The following MUC4 variants were observed in gnomAD, a reference collection of about 807,000 sequenced individuals.
MUC4 encodes the protein mucin-4.
In MUC4, 202 loss-of-function variants were observed where a neutral mutation model predicts 257.9. The observed-to-expected ratio is 0.78, with a 90% CI of 0.70 to 0.88. The LOEUF is 0.88. Ranked by LOEUF, MUC4 falls within the 40% of genes least tolerant of loss-of-function variation. The probability of loss-of-function intolerance (pLI) is 0.00; values close to 1 mark genes in which losing one functional copy is unlikely to be tolerated. For synonymous variants in MUC4, 2,351 were observed against 2,757.1 expected, an observed-to-expected ratio of 0.85 and a Z score of 4.62; for missense variants, 5,976 against 6,513.7, an observed-to-expected ratio of 0.92 and a Z score of 2.84.
chr3:195,789,462 G>A lies in MUC4; in HGVS notation c.2118C>T (p.Thr706=), dbSNP rs567256201. ...APAPTGDGHT[T]QAPTTALQAA... Reference sequence around the variant, plus strand: ...CCTGCAGTGCTGTGGTCGGGGCCTGGGTTGTGTGACCATCCCCGGTGGGAG... The same window carrying A: ...CCTGCAGTGCTGTGGTCGGGGCCTGAGTTGTGTGACCATCCCCGGTGGGAG... Residue 706 remains threonine, a synonymous_variant, in exon 2 of 25, where the codon ACC becomes ACT. Coordinates refer to ENST00000463781, the MANE Select transcript of MUC4 (RefSeq NM_018406.7). The A allele has an allele frequency of 1.9e-6, 3 of 1,613,860 alleles. No homozygotes were observed. The highest frequency in any genetic ancestry group is 8.5e-7 in the Non-Finnish European group (1 of 1,179,890).
At chr3:195,761,730 G>A (rs1180385683) in intron 14 of MUC4, 145 bp from the exon 15 acceptor site, 5 of 667,398 alleles carry the variant, frequency 7.5e-6, no homozygotes, top group Admixed American at 2.8e-5. Context: ...GGAGCCGGGA[G>A]GACGGGCCCT....
intron 6 of MUC4, 129 bp from the exon 7 acceptor site, chr3:195,769,281 A>C: frequency 1.5e-6 from 2 of 1,365,726 alleles, no homozygotes; most frequent in Non-Finnish European, 2.0e-6. Flanking sequence ...TGCCCACAGC[A>C]AAGACATGGG....
chr3:195,811,685 TC>T (rs1560429414), intron 1 of MUC4, 50 bp downstream of exon 1: 1 of 1,555,570 alleles, frequency 6.4e-7, no homozygotes. Flanking sequence ...AGCTCCCACC[TC>T]CCCCAAGTGC....
Position 195,747,055 on chromosome 3 carries a change from T to C in MUC4, c.*121A>G. ...TCTTGATTCCCAGTATTCATTCTCC[T>C]TGAAGAATCCTGACAGCCTTCAGTC... On this transcript the variant is annotated 3_prime_UTR_variant, in exon 25 of 25. Coordinates refer to ENST00000463781, the MANE Select transcript of MUC4 (RefSeq NM_018406.7). 7.5e-7 allele frequency: 1 copy of C among 1,342,194 alleles called. No homozygotes were observed. Among genetic ancestry groups the C allele is most frequent in the Non-Finnish European group, 1.0e-6 (1 of 953,410 alleles). 83.1% of individuals were successfully genotyped at this position (1,342,194 alleles called of 1,614,324 possible). A position where few individuals can be genotyped will look rare whatever the true frequency, so the allele number is the denominator to read the frequency against.
At chr3:195,750,556 G>C (rs1405959964) in intron 23 of MUC4, 1 of 400,638 alleles carries the variant, frequency 2.5e-6, no homozygotes, top group East Asian at 5.6e-5. Flanking sequence ...AGAGACGATG[G>C]GGGTGTCCCT....
chr3:195,748,287 G>C (rs1166394080), intron 24 of MUC4, among the ~76,000 whole-genome samples: 1 of 152,282 alleles, frequency 6.6e-6, no homozygotes, highest in Non-Finnish European at 1.5e-5. Context: ...TTTGGGCCCT[G>C]GCGCGGTGGC....
chr3:195,783,476 T>G lies in MUC4; in HGVS notation c.8104A>C (p.Thr2702Pro). 1.1e-5 allele frequency: 8 copies of G among 745,070 alleles called. 1 individual carries two copies. In the South Asian group the frequency reaches 1.5e-4, roughly 14 times the overall value. The allele number at this position is 745,070 out of a possible 1,614,324, so 46.2% of individuals were successfully genotyped here. A position where few individuals can be genotyped will look rare whatever the true frequency, so the allele number is the denominator to read the frequency against. The change falls in exon 2 of 25, where the codon ACC (threonine) becomes CCC (proline). Residue 2702 changes from threonine to proline, a missense_variant. Physicochemically the swap from Thr to Pro is conservative, Grantham distance 38 (BLOSUM62 -1). Around this residue, in one of 44 missense-constraint regions of MUC4, gnomAD observed 75 missense variants for 58.7 expected, o/e 1.28. Coordinates refer to ENST00000463781, the MANE Select transcript of MUC4 (RefSeq NM_018406.7). ...TDTSSASTGD[T>P]TSLPVTDTSS... Reference sequence around the variant, plus strand: ...GTGTCGGTGACAGGAAGAGAGGTGGTGTCACCTGTGGATGCTGAGGAAGTG... The same window carrying G: ...GTGTCGGTGACAGGAAGAGAGGTGGGGTCACCTGTGGATGCTGAGGAAGTG...
Position 195,763,603 on chromosome 3 carries a change from C to A in MUC4, c.14083G>T (p.Gly4695Cys). 1 of 1,574,010 alleles carries A rather than the reference C, an allele frequency of 6.4e-7. No individual in the cohort carries two copies. Among genetic ancestry groups the A allele is most frequent in the South Asian group, 1.2e-5 (1 of 86,078 alleles). The change falls in exon 12 of 25, where the codon GGT becomes TGT. Residue 4695 changes from glycine to cysteine, a missense_variant. By Grantham distance (159) the Gly-to-Cys change is radical. Around this residue, in one of 44 missense-constraint regions of MUC4, gnomAD observed 996 missense variants for 1,137.3 expected, o/e 0.88. Coordinates refer to ENST00000463781, the MANE Select transcript of MUC4 (RefSeq NM_018406.7). ...FGDPHITTLD[G>C]VSYTFNGLGD... ...AGCCCATTGAAGGTGTAACTGACAC[C>A]ATCCAAGGTGGTGATGTGGGGGTCC... is the stretch of plus-strand genomic sequence containing the variant.
rs1736599243 is a variant in MUC4, at chr3:195,810,698, G to A, written c.82+1038C>T. On this transcript the variant is annotated intron_variant, in intron 1 of 24. Transcript: ENST00000463781. This position sits in a 1 kb window ranked among gnomAD's most constrained non-coding sequence, Gnocchi z 4.2. ...CTCCTCCGCACCACCCTCCCGGCCG[G>A]CCTGCCCCTCTCCTCCTTGTCGCTT... 6.6e-6 allele frequency among the ~76,000 whole-genome samples: 1 copy of A among 152,112 alleles called. No homozygotes were observed.
chr3:195,773,989 G>A (rs1041143865), intron 4 of MUC4, among the ~76,000 whole-genome samples, 183 bp downstream of exon 4: 1 of 152,244 alleles, frequency 6.6e-6, no homozygotes, highest in Non-Finnish European at 1.5e-5. Context: ...CAGCAGGTGG[G>A]CAGCCCTCGC....
intron 21 of MUC4, 128 bp downstream of exon 21, chr3:195,752,245 G>T: frequency 1.1e-6 from 1 of 876,098 alleles, no homozygotes. Flanking sequence ...TGGGGCAAGA[G>T]GCTCCGGCCT....
chr3:195,775,120 C>A lies in MUC4; in HGVS notation c.12944-815G>T, dbSNP rs1724063787. Among the ~76,000 whole-genome samples the A allele has an allele frequency of 1.3e-5, 2 of 152,030 alleles. 1 individual carries two copies. The highest frequency in any genetic ancestry group is 1.3e-4 in the Admixed American group (2 of 15,274). On this transcript the variant is annotated intron_variant, in intron 3 of 24. Transcript: ENST00000463781. ...GCAGCTGCCGACTCCTTGGCGCCCT[C>A]CCCTGGTCCTGCTTGGAAACCCGCA... is the stretch of plus-strand genomic sequence containing the variant.
At chr3:195,760,246 T>C (rs2641717) in intron 16 of MUC4, among the ~76,000 whole-genome samples, 94,582 of 151,988 alleles carry the variant, frequency 0.62, 30,681 homozygotes, top group East Asian at 0.8. Context: ...GAAGTGTGGG[T>C]GAATGTGACA....
At position 195,767,573 on chromosome 3, in the gene MUC4, TCAC is replaced by T. The variant is rs1220315937; in HGVS notation, c.13530-825_13530-823del. Among the ~76,000 whole-genome samples the T allele has an allele frequency of 6.7e-3, 414 of 61,812 alleles. 7 individuals are homozygous for T. Among genetic ancestry groups the T allele is most frequent in the Non-Finnish European group, 8.4e-3 (285 of 33,818 alleles). The allele number at this position is 61,812 out of a possible 152,430, so 40.6% of individuals were successfully genotyped here. A position where few individuals can be genotyped will look rare whatever the true frequency, so the allele number is the denominator to read the frequency against. ...ATCACCATTACCATTGCCACCACCATCACCACCACCATCACCACCACCACCATC... is the reference window on the plus strand; with the variant it reads ...ATCACCATTACCATTGCCACCACCATCACCACCATCACCACCACCACCATC... On this transcript the variant is annotated intron_variant, in intron 7 of 24. Coordinates refer to ENST00000463781, the MANE Select transcript of MUC4 (RefSeq NM_018406.7).
In MUC4 at chr3:195,781,561, C is replaced by T. The variant is rs150749980; in HGVS notation, c.10019G>A (p.Gly3340Asp). 9.4e-6 allele frequency: 12 copies of T among 1,276,926 alleles called. 1 individual carries two copies. In the African/African-American group the frequency reaches 1.7e-4, roughly 18 times the overall value. The allele number at this position is 1,276,926 out of a possible 1,614,324, so 79.1% of individuals were successfully genotyped here. ...GGTGACAGGCACAGGGGTGGTGTCA[C>T]CTGTGGATGCTGAGGAAGGGCTGGT... ...HVTSPSSAST[G>D]DTTPVPVTDT... is the part of the protein sequence containing the mutation. The change falls in exon 2 of 25, where the codon GGT becomes GAT. Residue 3340 changes from glycine to aspartate, a missense_variant. This residue lies in a region of MUC4 where 72 missense variants were observed against 33.5 expected (regional missense o/e 2.15). Coordinates refer to ENST00000463781, the MANE Select transcript of MUC4 (RefSeq NM_018406.7).
chr3:195,750,776 C>G, intron 23 of MUC4, 113 bp downstream of exon 23: 1 of 1,062,756 alleles, frequency 9.4e-7, no homozygotes, highest in Non-Finnish European at 1.4e-6. Flanking sequence ...CGTTTTCGCT[C>G]AAAACCAAAC....
At chr3:195,802,494 G>GGCCTGCCCT (rs912101131) in intron 1 of MUC4, among the ~76,000 whole-genome samples, 1 of 151,170 alleles carries the variant, frequency 6.6e-6, no homozygotes, top group Non-Finnish European at 1.5e-5. Flanking sequence ...TTTGGAAAAT[G>GGCCTGCCCT]GCCTGCCCTG....
At position 195,774,307 on chromosome 3, in the gene MUC4, TG is replaced by T; in HGVS notation, c.12944-3del. On this transcript the variant is annotated splice_polypyrimidine_tract_variant and splice_region_variant and intron_variant, in intron 3 of 24. Transcript: ENST00000463781. The stretch of plus-strand genomic sequence containing the variant: ...CCCCATAGGGGAAGAGGGAAACTCC[TG>T]GGCCAGGACAGAGAAGAGCAGGAAG... 1 of 1,553,484 alleles carries T rather than the reference TG, an allele frequency of 6.4e-7. No individual in the cohort carries two copies. The highest frequency in any genetic ancestry group is 8.7e-7 in the Non-Finnish European group (1 of 1,152,704).
chr3:195,765,625 G>A (rs990923346), intron 8 of MUC4, among the ~76,000 whole-genome samples, 176 bp from the exon 9 acceptor site: 10 of 152,202 alleles, frequency 6.6e-5, no homozygotes, highest in African/African-American at 1.2e-4. Flanking sequence ...TTGACTTAGC[G>A]TCTGCTTCTG....
Sources: allele counts gnomAD v4.1 joint callset (sites outside exome capture counted in the v4.1 genomes callset), GRCh38; gene constraint gnomAD v4.1.1; regional missense constraint gnomAD v4.1.1; non-coding constraint Gnocchi (gnomAD v3.1); transcripts MANE v1.5; gene names NCBI Gene and HGNC (gene_info 2026-07-23, HGNC 2026-07-21).